The following KCNN2 variants were observed in gnomAD, a reference collection of about 807,000 sequenced individuals.
The protein encoded by KCNN2 is small conductance calcium-activated potassium channel protein 2.
In KCNN2, 24 loss-of-function variants were observed where a neutral mutation model predicts 55.5. The ratio of observed to expected loss-of-function variants is 0.43; its 90% CI spans 0.31 to 0.61. The LOEUF is 0.61. Ranked by LOEUF, KCNN2 falls within the 20% of genes least tolerant of loss-of-function variation. The pLI, the probability that KCNN2 is intolerant of heterozygous loss-of-function variation, is 0.08. For synonymous variants in KCNN2, 431 were observed against 336.1 expected, an observed-to-expected ratio of 1.28 and a Z score of -3.09; for missense variants, 754 against 853.6, an observed-to-expected ratio of 0.88 and a Z score of 1.45.
At chr5:114,279,585 A>G (rs1755576498) in intron 2 of KCNN2, among the ~76,000 whole-genome samples, 1 of 152,154 alleles carries the variant, frequency 6.6e-6, no homozygotes, top group African/African-American at 2.4e-5. Flanking sequence ...TTTGCTCAGA[A>G]TGATGGTTTC....
intron 1 of KCNN2, among the ~76,000 whole-genome samples, chr5:114,119,297 A>G (rs1751780493): frequency 6.6e-6 from 1 of 152,202 alleles, no homozygotes. Context: ...AGCATGTTCA[A>G]ACAACCAAAT....
Position 114,284,809 on chromosome 5 carries a change from C to T in KCNN2, c.-185+63244C>T, listed in dbSNP as rs781331958. Among the ~76,000 whole-genome samples, 11 of 151,950 alleles carry T rather than the reference C, an allele frequency of 7.2e-5. No individual in the cohort carries two copies. In the East Asian group the frequency reaches 7.9e-4, roughly 11 times the overall value. On this transcript the variant is annotated intron_variant, in intron 2 of 10. Coordinates refer to the KCNN2 transcript ENST00000512097. ...CTAGGATTACAGGCGTCAGCCACCG[C>T]GCCTAGCCGATCATCTCCATTTCTG...
intron 2 of KCNN2, among the ~76,000 whole-genome samples, chr5:114,288,507 C>T (rs1371728398): frequency 0.045 from 6,768 of 150,986 alleles, 530 homozygotes; most frequent in African/African-American, 0.16. Context: ...TATACACACA[C>T]ACACACACAC....
At chr5:114,261,428 T>C (rs1280452003) in intron 2 of KCNN2, among the ~76,000 whole-genome samples, 3 of 152,130 alleles carry the variant, frequency 2.0e-5, no homozygotes, top group Non-Finnish European at 4.4e-5. Context: ...GGCACAGGAT[T>C]CAGTGAGAAG....
intron 1 of KCNN2, among the ~76,000 whole-genome samples, chr5:114,097,253 G>A (rs914521820): frequency 6.6e-6 from 1 of 152,162 alleles, no homozygotes; most frequent in African/African-American, 2.4e-5. Context: ...AGTAATCATG[G>A]TTGGGGAGGT....
At chr5:114,104,179 T>C (rs112735457) in intron 1 of KCNN2, among the ~76,000 whole-genome samples, 2 of 152,184 alleles carry the variant, frequency 1.3e-5, no homozygotes, top group Non-Finnish European at 2.9e-5. Context: ...CAGGAACTTA[T>C]CCATTTCTTC....
At chr5:114,490,945 A>G (rs1222876241) in intron 6 of KCNN2, among the ~76,000 whole-genome samples, 1 of 152,168 alleles carries the variant, frequency 6.6e-6, no homozygotes, top group African/African-American at 2.4e-5. Flanking sequence ...TGGCAGCTGC[A>G]GCTTAAGCAG....
intron 2 of KCNN2, among the ~76,000 whole-genome samples, chr5:114,396,808 G>T (rs1452658423): frequency 6.6e-6 from 1 of 152,116 alleles, no homozygotes; most frequent in African/African-American, 2.4e-5. Flanking sequence ...GCCTCCAAAA[G>T]TGCTGGGGTT....
chr5:114,479,226 TA>T (rs55994944), intron 5 of KCNN2, among the ~76,000 whole-genome samples: 20 of 138,986 alleles, frequency 1.4e-4, no homozygotes, highest in African/African-American at 2.1e-4. Flanking sequence ...ATGAAAACTA[TA>T]AAAAAAAAAA....
At chr5:114,100,106 G>A (rs996114406) in intron 1 of KCNN2, among the ~76,000 whole-genome samples, 40 of 152,056 alleles carry the variant, frequency 2.6e-4, no homozygotes, top group African/African-American at 9.4e-4. Flanking sequence ...ACAGTAGAAA[G>A]GAATGAGACC....
chr5:114,096,151 T>C (rs1253033290), intron 1 of KCNN2, among the ~76,000 whole-genome samples: 2 of 152,086 alleles, frequency 1.3e-5, no homozygotes, highest in African/African-American at 4.8e-5. Flanking sequence ...ACTGTGATTC[T>C]CCAGCTCTCT....
At chr5:114,267,747 C>G (rs973155231) in intron 2 of KCNN2, among the ~76,000 whole-genome samples, 1 of 151,900 alleles carries the variant, frequency 6.6e-6, no homozygotes, top group East Asian at 1.9e-4. Flanking sequence ...AGGGTTTTTC[C>G]CTGGAAGAGG....
At chr5:114,158,841 G>C (rs534174226) in intron 1 of KCNN2, among the ~76,000 whole-genome samples, 1 of 152,062 alleles carries the variant, frequency 6.6e-6, no homozygotes, top group African/African-American at 2.4e-5. Flanking sequence ...TGTGATTTTT[G>C]CACATTGGTT....
intron 2 of KCNN2, among the ~76,000 whole-genome samples, chr5:114,224,397 G>C (rs1395508541): frequency 6.6e-6 from 1 of 152,126 alleles, no homozygotes; most frequent in Non-Finnish European, 1.5e-5. Flanking sequence ...AAAGAAAGTA[G>C]TTGAATAAAG....
intron 2 of KCNN2, among the ~76,000 whole-genome samples, chr5:114,352,475 A>ATAAAGTAATATGTTATTTTTTTCT (rs1757224903): frequency 2.0e-5 from 3 of 147,062 alleles, no homozygotes; most frequent in African/African-American, 7.4e-5. Context: ...TTCTTTTCTC[A>ATAAAGTAATATGTTATTTTTTTCT]TAAAGTAATA....
intron 2 of KCNN2, among the ~76,000 whole-genome samples, chr5:114,282,636 T>C (rs1387086644): frequency 6.6e-6 from 1 of 152,182 alleles, no homozygotes; most frequent in Non-Finnish European, 1.5e-5. Flanking sequence ...ATTTGTGTCC[T>C]TTTTATACTG....
At chr5:114,090,760 T>A (rs1431574671) in intron 1 of KCNN2, among the ~76,000 whole-genome samples, 2 of 152,174 alleles carry the variant, frequency 1.3e-5, no homozygotes, top group Non-Finnish European at 2.9e-5. Flanking sequence ...TGTAGCAATC[T>A]TCTGTGGAGA....
chr5:114,459,515 A>G (rs1186314830), intron 3 of KCNN2, among the ~76,000 whole-genome samples: 2 of 152,236 alleles, frequency 1.3e-5, no homozygotes, highest in Non-Finnish European at 2.9e-5. Flanking sequence ...TCAAAATGAT[A>G]ATATCATCCT....
At chr5:114,058,120 G>A (rs1166680120) in intron 1 of KCNN2, among the ~76,000 whole-genome samples, 11 of 152,174 alleles carry the variant, frequency 7.2e-5, no homozygotes, top group Non-Finnish European at 5.9e-5. Context: ...TTAACAGCCT[G>A]GTTTCAATAA....
Sources: allele counts gnomAD v4.1 joint callset (sites outside exome capture counted in the v4.1 genomes callset), GRCh38; gene constraint gnomAD v4.1.1; transcripts MANE v1.5; gene names NCBI Gene and HGNC (gene_info 2026-07-23, HGNC 2026-07-21).